The following PTPRK variants were observed in gnomAD, a reference collection of about 807,000 sequenced individuals.
PTPRK encodes the protein receptor-type tyrosine-protein phosphatase kappa.
A neutral mutation model predicts 178.0 loss-of-function variants in PTPRK; 75 were observed. The ratio of observed to expected loss-of-function variants is 0.42; its 90% CI spans 0.35 to 0.51. PTPRK has a LOEUF of 0.51. Among genes scored for constraint, PTPRK ranks in the 20% least tolerant of loss-of-function variants. The pLI, the probability that PTPRK is intolerant of heterozygous loss-of-function variation, is 0.02. For synonymous variants in PTPRK, 637 were observed against 620.6 expected (o/e 1.03, Z -0.39); for missense variants, 1,441 against 1,797.8 (o/e 0.80, Z 3.59).
intron 12 of PTPRK, 113 bp downstream of exon 12, chr6:128,067,406 G>A: frequency 8.1e-7 from 1 of 1,230,242 alleles, no homozygotes; most frequent in Non-Finnish European, 1.1e-6. Flanking sequence ...CCCCCTACAT[G>A]CAAATTTTCT....
chr6:128,518,463 G>A (rs1858425946), intron 1 of PTPRK, among the ~76,000 whole-genome samples: 2 of 152,200 alleles, frequency 1.3e-5, no homozygotes, highest in Admixed American at 1.3e-4. Context: ...ATCCATCGCT[G>A]TTGAGACATT....
intron 13 of PTPRK, among the ~76,000 whole-genome samples, chr6:128,036,139 T>C (rs1776166103): frequency 6.6e-6 from 1 of 152,148 alleles, no homozygotes; most frequent in Non-Finnish European, 1.5e-5. Flanking sequence ...GAAACCTCTG[T>C]TCCATAAGCA....
At chr6:128,445,430 A>T (rs1436177572) in intron 1 of PTPRK, among the ~76,000 whole-genome samples, 1 of 149,596 alleles carries the variant, frequency 6.7e-6, no homozygotes, top group Admixed American at 6.7e-5. Context: ...TTTAGGCATC[A>T]TCTATTGTAT....
intron 18 of PTPRK, 98 bp downstream of exon 18, chr6:127,995,364 T>C (rs920951437): frequency 9.8e-6 from 15 of 1,524,172 alleles, no homozygotes; most frequent in Non-Finnish European, 1.4e-5. Flanking sequence ...TGTACTTTTA[T>C]ATTTTAAAAA....
At chr6:128,175,869 T>C (rs1444721819) in intron 7 of PTPRK, among the ~76,000 whole-genome samples, 3 of 151,816 alleles carry the variant, frequency 2.0e-5, no homozygotes, top group African/African-American at 7.2e-5. Context: ...GATAGCTAGT[T>C]CACCCATGTC....
At chr6:128,341,691 G>C (rs1831682633) in intron 2 of PTPRK, among the ~76,000 whole-genome samples, 1 of 152,124 alleles carries the variant, frequency 6.6e-6, no homozygotes, top group South Asian at 2.1e-4. Flanking sequence ...CATTAAAAAA[G>C]TAAAGTGAAA....
At chr6:128,386,844 G>A (rs944068150) in intron 2 of PTPRK, among the ~76,000 whole-genome samples, 1 of 152,146 alleles carries the variant, frequency 6.6e-6, no homozygotes, top group Non-Finnish European at 1.5e-5. Flanking sequence ...AAGGCAGGCA[G>A]ATCACATAAG....
chr6:128,120,242 T>C (rs1190818104), intron 7 of PTPRK, among the ~76,000 whole-genome samples: 1 of 151,970 alleles, frequency 6.6e-6, no homozygotes, highest in Non-Finnish European at 1.5e-5. Flanking sequence ...ATTGATATTA[T>C]ATTACTACTA....
chr6:128,033,925 C>T (rs1041232826), intron 13 of PTPRK, among the ~76,000 whole-genome samples: 1 of 151,952 alleles, frequency 6.6e-6, no homozygotes, highest in Non-Finnish European at 1.5e-5. Context: ...TAGTTCAGTA[C>T]ACAACATTGG....
intron 3 of PTPRK, among the ~76,000 whole-genome samples, chr6:128,279,934 G>A (rs1583870066): frequency 6.6e-6 from 1 of 152,128 alleles, no homozygotes; most frequent in East Asian, 1.9e-4. Flanking sequence ...TCATCAGGCA[G>A]TAAAGTCTTT....
chr6:128,383,014 T>C (rs966951722), intron 2 of PTPRK, among the ~76,000 whole-genome samples: 2 of 152,164 alleles, frequency 1.3e-5, no homozygotes, highest in African/African-American at 4.8e-5. Flanking sequence ...GAATGTGACA[T>C]ATGGCAACAA....
intron 3 of PTPRK, among the ~76,000 whole-genome samples, chr6:128,296,763 C>G (rs1013053902): frequency 1.3e-5 from 2 of 152,148 alleles, no homozygotes; most frequent in African/African-American, 4.8e-5. Context: ...CCAGCCACTG[C>G]AAAATCATGC....
chr6:128,184,913 A>G (rs908067880), intron 6 of PTPRK, among the ~76,000 whole-genome samples, 188 bp from the exon 7 acceptor site: 1 of 152,236 alleles, frequency 6.6e-6, no homozygotes, highest in African/African-American at 2.4e-5. Context: ...TTGCAAGTGC[A>G]TATGACTATT....
chr6:128,082,094 T>C (rs1784927580), intron 10 of PTPRK, among the ~76,000 whole-genome samples: 1 of 152,042 alleles, frequency 6.6e-6, no homozygotes. Flanking sequence ...TTTGATAACA[T>C]TCATTTAGAG....
At chr6:128,172,960 T>C (rs1352893138) in intron 7 of PTPRK, among the ~76,000 whole-genome samples, 2 of 151,886 alleles carry the variant, frequency 1.3e-5, no homozygotes, top group African/African-American at 4.8e-5. Flanking sequence ...GAAGGGTGCA[T>C]ATACAGCATA....
At chr6:128,459,428 T>C (rs1848762737) in intron 1 of PTPRK, among the ~76,000 whole-genome samples, 1 of 152,194 alleles carries the variant, frequency 6.6e-6, no homozygotes, top group Admixed American at 6.6e-5. Context: ...TCCCACCACC[T>C]GGATCTCTGT....
At chr6:128,308,661 G>A (rs1032602315) in intron 3 of PTPRK, among the ~76,000 whole-genome samples, 2 of 152,080 alleles carry the variant, frequency 1.3e-5, no homozygotes, top group Admixed American at 6.6e-5. Flanking sequence ...AATTTTCGAC[G>A]CATGAAAGGA....
chr6:128,383,735 C>T (rs1028749637), intron 2 of PTPRK, among the ~76,000 whole-genome samples: 1 of 152,080 alleles, frequency 6.6e-6, no homozygotes, highest in Non-Finnish European at 1.5e-5. Context: ...TCACCTTATT[C>T]TTAAGTATCA....
At chr6:128,092,189 A>T (rs1453321697) in intron 7 of PTPRK, among the ~76,000 whole-genome samples, 1 of 152,210 alleles carries the variant, frequency 6.6e-6, no homozygotes, top group Non-Finnish European at 1.5e-5. Flanking sequence ...TTGTGGAAAG[A>T]AATAGCTTTC....
Sources: allele counts gnomAD v4.1 joint callset (sites outside exome capture counted in the v4.1 genomes callset), GRCh38; gene constraint gnomAD v4.1.1; transcripts MANE v1.5; gene names NCBI Gene and HGNC (gene_info 2026-07-23, HGNC 2026-07-21).